Variants in ADGRB3 observed in about 807,000 individuals in gnomAD.
The protein encoded by ADGRB3 is adhesion G protein-coupled receptor B3, also known as brain-specific angiogenesis inhibitor 3.
ADGRB3 carries 37 observed loss-of-function variants against 193.4 expected under a neutral mutation model. That is an observed-to-expected ratio of 0.19 (90% CI 0.15 to 0.25). The LOEUF (loss-of-function observed/expected upper bound fraction) is 0.25. ADGRB3 is among the 10% of genes least tolerant of loss of function. ADGRB3 has a pLI of 1.00. For synonymous variants in ADGRB3, 690 were observed against 644.2 expected (o/e 1.07, Z -1.08); for missense variants, 1,637 against 1,852.9 (o/e 0.88, Z 2.14).
intron 17 of ADGRB3, among the ~76,000 whole-genome samples, chr6:69,137,497 A>G (rs1305625073): frequency 6.6e-6 from 1 of 152,074 alleles, no homozygotes; most frequent in African/African-American, 2.4e-5. Flanking sequence ...TATATTAGTT[A>G]CTGTAAGAAA....
rs186380793 is a variant in ADGRB3, at chr6:68,894,650, T to C, written c.758-35909T>C. On this transcript the variant is annotated intron_variant, in intron 3 of 31. Transcript: ENST00000370598. Reference sequence around the variant, plus strand: ...GGATTGGTTAGTATAGAAAAAAAATTGCATTCATGGCCTGTGAAATTCAGA... The same window carrying C: ...GGATTGGTTAGTATAGAAAAAAAATCGCATTCATGGCCTGTGAAATTCAGA... Among the ~76,000 whole-genome samples, 80 of 152,042 alleles carry C rather than the reference T, an allele frequency of 5.3e-4. 1 individual carries two copies. The highest frequency in any genetic ancestry group is 1.7e-3 in the African/African-American group (72 of 41,534).
At chr6:69,013,391 A>G (rs897251368) in intron 11 of ADGRB3, among the ~76,000 whole-genome samples, 1 of 152,142 alleles carries the variant, frequency 6.6e-6, no homozygotes, top group Non-Finnish European at 1.5e-5. Flanking sequence ...CAAGGATGTT[A>G]TATGTCTATT....
rs202170691 is a variant in ADGRB3, at chr6:69,382,799, G to A, written c.4276-32G>A. On this transcript the variant is annotated intron_variant, in intron 30 of 31. Transcript: ENST00000370598. ...TTGTTTGAAAAACATACATCAAGTT[G>A]GGGATGAGAGCTATCTTGTTCTTTT... The A allele has an allele frequency of 3.5e-6, 5 of 1,425,486 alleles. No individual in the cohort carries two copies. In the East Asian group the frequency reaches 9.6e-5, roughly 27 times the overall value. 88.3% of individuals were successfully genotyped at this position (1,425,486 alleles called of 1,614,324 possible). A position where few individuals can be genotyped will look rare whatever the true frequency, so the allele number is the denominator to read the frequency against.
intron 3 of ADGRB3, among the ~76,000 whole-genome samples, chr6:68,753,203 T>A (rs961027244): frequency 6.6e-6 from 1 of 152,178 alleles, no homozygotes; most frequent in African/African-American, 2.4e-5. Flanking sequence ...TATCAATGAA[T>A]CTGTAATACT....
intron 20 of ADGRB3, among the ~76,000 whole-genome samples, chr6:69,282,410 G>C (rs1767456171): frequency 6.6e-6 from 1 of 152,104 alleles, no homozygotes; most frequent in Admixed American, 6.5e-5. Flanking sequence ...TTAAAAGAGA[G>C]ACAAATTTAA....
chr6:68,814,221 G>T (rs960690982), intron 3 of ADGRB3, among the ~76,000 whole-genome samples: 10 of 152,178 alleles, frequency 6.6e-5, no homozygotes, highest in Non-Finnish European at 1.5e-4. Context: ...GGCACCTGTT[G>T]TTTCCTGACT....
intron 6 of ADGRB3, among the ~76,000 whole-genome samples, chr6:68,947,754 C>G (rs553313061): frequency 6.6e-6 from 1 of 152,156 alleles, no homozygotes; most frequent in African/African-American, 2.4e-5. Context: ...TATTGTAATA[C>G]TATTGTAATG....
chr6:68,943,776 T>A (rs1767702177), intron 5 of ADGRB3, 54 bp from the exon 6 acceptor site: 2 of 1,429,538 alleles, frequency 1.4e-6, no homozygotes, highest in Non-Finnish European at 1.9e-6. Flanking sequence ...AAGAAAATGA[T>A]CTTTGATTTT....
At chr6:69,188,667 G>T (rs1765116918) in intron 17 of ADGRB3, among the ~76,000 whole-genome samples, 1 of 151,334 alleles carries the variant, frequency 6.6e-6, no homozygotes, top group Non-Finnish European at 1.5e-5. Context: ...ATTTTTTTTT[G>T]GTATCACTGC....
At chr6:69,218,232 G>A (rs1016868480) in intron 17 of ADGRB3, among the ~76,000 whole-genome samples, 5 of 152,114 alleles carry the variant, frequency 3.3e-5, no homozygotes, top group Non-Finnish European at 7.4e-5. Flanking sequence ...CGTCAGGACT[G>A]ATTCTGGTAC....
intron 20 of ADGRB3, among the ~76,000 whole-genome samples, chr6:69,289,074 G>A (rs1582607339): frequency 6.6e-6 from 1 of 152,084 alleles, no homozygotes; most frequent in Admixed American, 6.6e-5. Flanking sequence ...CTATCCTGAG[G>A]CTTTTTAATA....
intron 15 of ADGRB3, among the ~76,000 whole-genome samples, chr6:69,049,869 A>G (rs916368825): frequency 1.3e-5 from 2 of 152,208 alleles, no homozygotes; most frequent in Admixed American, 1.3e-4. Flanking sequence ...GAAGAAATCT[A>G]TTAATTTCTT....
intron 3 of ADGRB3, among the ~76,000 whole-genome samples, chr6:68,740,679 T>C (rs781065597): frequency 2.6e-5 from 4 of 152,194 alleles, no homozygotes; most frequent in Non-Finnish European, 5.9e-5. Context: ...ATGCATGCAA[T>C]GGTTTTAAAA....
rs184517561 is a variant in ADGRB3 at position 69,202,670 on chromosome 6, G to T, written c.2481-30620G>T. 2.2e-4 allele frequency among the ~76,000 whole-genome samples: 33 copies of T among 152,234 alleles called. No homozygotes were observed. The East Asian group carries it at 6.0e-3, about 28-fold the overall frequency. Reference sequence around the variant, plus strand: ...AGTTAATCTCCCACAGATAGTTGAGGGTTGACTATGTAGGTAGCTGAATTT... The same window carrying T: ...AGTTAATCTCCCACAGATAGTTGAGTGTTGACTATGTAGGTAGCTGAATTT... On this transcript the variant is annotated intron_variant, in intron 17 of 31. Coordinates refer to ENST00000370598, the MANE Select transcript of ADGRB3 (RefSeq NM_001704.3).
intron 17 of ADGRB3, among the ~76,000 whole-genome samples, chr6:69,181,448 A>G (rs1243114309): frequency 6.6e-6 from 1 of 152,148 alleles, no homozygotes; most frequent in Non-Finnish European, 1.5e-5. Flanking sequence ...AAACCTATAA[A>G]TGCACGATAT....
intron 10 of ADGRB3, among the ~76,000 whole-genome samples, chr6:68,986,739 G>T (rs1297231710): frequency 6.6e-6 from 1 of 152,184 alleles, no homozygotes; most frequent in Non-Finnish European, 1.5e-5. Flanking sequence ...ACTTAGAACT[G>T]TGAAAGCCTT....
At chr6:68,928,025 G>A (rs1271095839) in intron 3 of ADGRB3, among the ~76,000 whole-genome samples, 1 of 151,896 alleles carries the variant, frequency 6.6e-6, no homozygotes, top group East Asian at 1.9e-4. Context: ...ATTGATAAGT[G>A]GAAATAACTA....
intron 3 of ADGRB3, among the ~76,000 whole-genome samples, chr6:68,905,719 G>T (rs904471409): frequency 1.3e-5 from 2 of 152,084 alleles, no homozygotes; most frequent in Non-Finnish European, 2.9e-5. Context: ...GCAGTTCGTT[G>T]ATTGTCTTCA....
intron 20 of ADGRB3, among the ~76,000 whole-genome samples, chr6:69,291,013 A>G (rs1056610954): frequency 1.3e-5 from 2 of 152,186 alleles, no homozygotes; most frequent in African/African-American, 4.8e-5. Flanking sequence ...ATAGACAGAA[A>G]ATTTGAGTTC....
Sources: allele counts gnomAD v4.1 joint callset (sites outside exome capture counted in the v4.1 genomes callset), GRCh38; gene constraint gnomAD v4.1.1; transcripts MANE v1.5; gene names NCBI Gene and HGNC (gene_info 2026-07-23, HGNC 2026-07-21).